CTNNA3: variants seen among roughly 807,000 people sequenced by gnomAD.
CTNNA3 encodes catenin alpha 3.
In CTNNA3, 76 loss-of-function variants were observed where a neutral mutation model predicts 95.7. That is an observed-to-expected ratio of 0.79 (90% confidence interval 0.66 to 0.96). The LOEUF (loss-of-function observed/expected upper bound fraction) is 0.96. Among genes scored for constraint, CTNNA3 ranks in the 40% least tolerant of loss-of-function variants. CTNNA3 has a pLI of 0.00. For missense variants in CTNNA3, 1,191 were observed against 1,089.8 expected, an observed-to-expected ratio of 1.09 and a Z score of -1.31; for synonymous variants, 431 against 374.4, an observed-to-expected ratio of 1.15 and a Z score of -1.74.
At chr10:66,450,252 A>C (rs1564976111) in intron 11 of CTNNA3, among the ~76,000 whole-genome samples, 1 of 152,158 alleles carries the variant, frequency 6.6e-6, no homozygotes. Context: ...GTTATGTTTA[A>C]GTCACATGCT....
chr10:66,430,987 T>A (rs1286571313), intron 11 of CTNNA3, among the ~76,000 whole-genome samples: 2 of 151,350 alleles, frequency 1.3e-5, no homozygotes, highest in African/African-American at 4.9e-5. Flanking sequence ...TGGGAGAAAA[T>A]TTTTGCAAAC....
At chr10:66,627,212 AT>A (rs1022944916) in intron 9 of CTNNA3, among the ~76,000 whole-genome samples, 10 of 152,154 alleles carry the variant, frequency 6.6e-5, no homozygotes, top group African/African-American at 2.4e-4. Context: ...TATAGGGGAT[AT>A]TCTGGCCTTC....
At chr10:67,421,909 A>C (rs2062785269) in intron 5 of CTNNA3, among the ~76,000 whole-genome samples, 1 of 152,202 alleles carries the variant, frequency 6.6e-6, no homozygotes, top group South Asian at 2.1e-4. Flanking sequence ...ATATAGATGT[A>C]TGTATATGTA....
chr10:67,664,356 C>A (rs1445456966), intron 1 of CTNNA3, among the ~76,000 whole-genome samples: 1 of 152,118 alleles, frequency 6.6e-6, no homozygotes, highest in Non-Finnish European at 1.5e-5. Flanking sequence ...AAAAGGGCAG[C>A]ATTTCTTCAC....
chr10:66,037,125 G>A (rs1198444510), intron 15 of CTNNA3, among the ~76,000 whole-genome samples: 1 of 152,008 alleles, frequency 6.6e-6, no homozygotes, highest in East Asian at 1.9e-4. Flanking sequence ...GCCCATCTCG[G>A]CCTCCCAAAG....
chr10:66,128,704 A>G (rs1445036392), intron 13 of CTNNA3, among the ~76,000 whole-genome samples: 1 of 152,202 alleles, frequency 6.6e-6, no homozygotes, highest in Non-Finnish European at 1.5e-5. Flanking sequence ...CTTTCATTAC[A>G]TTATGATGGT....
chr10:67,283,820 C>G (rs1309782436), intron 5 of CTNNA3, among the ~76,000 whole-genome samples: 1 of 152,180 alleles, frequency 6.6e-6, no homozygotes, highest in Non-Finnish European at 1.5e-5. Context: ...TTGAAGGTTG[C>G]TGCGGACCTG....
intron 13 of CTNNA3, among the ~76,000 whole-genome samples, chr10:66,109,587 G>C (rs917237234): frequency 1.3e-5 from 2 of 152,154 alleles, no homozygotes; most frequent in African/African-American, 4.8e-5. Flanking sequence ...GCAGGAGTAA[G>C]GGAAGGCCCA....
chr10:66,438,751 T>G (rs1254804706), intron 11 of CTNNA3, among the ~76,000 whole-genome samples: 1 of 152,140 alleles, frequency 6.6e-6, no homozygotes. Flanking sequence ...TGAAAAAAAC[T>G]CCTGCAGCTA....
At chr10:66,199,495 A>G (rs1174286609) in intron 13 of CTNNA3, among the ~76,000 whole-genome samples, 2 of 151,438 alleles carry the variant, frequency 1.3e-5, no homozygotes, top group Non-Finnish European at 2.9e-5. Flanking sequence ...CTTCAGTGCT[A>G]TGTATGTATG....
chr10:65,923,104 A>C (rs1195661225), intron 17 of CTNNA3, among the ~76,000 whole-genome samples: 1 of 152,190 alleles, frequency 6.6e-6, no homozygotes, highest in Admixed American at 6.5e-5. Context: ...ACAATTGAAG[A>C]TGAGATTTGG....
chr10:66,310,773 G>A lies in CTNNA3; in HGVS notation c.1733-30152C>T, dbSNP rs189138807. Reference sequence around the variant, plus strand: ...GCGAACTCAGCTCACTGCAAGCTCCGCCTCCCAGGTTCATGCCATTCTGCC... The same window carrying A: ...GCGAACTCAGCTCACTGCAAGCTCCACCTCCCAGGTTCATGCCATTCTGCC... On this transcript the variant is annotated intron_variant, in intron 12 of 17. Transcript: ENST00000433211. Among the ~76,000 whole-genome samples the A allele has an allele frequency of 5.4e-5, 8 of 146,870 alleles. No homozygotes were observed. In the South Asian group the frequency reaches 1.3e-3, roughly 24 times the overall value.
intron 7 of CTNNA3, among the ~76,000 whole-genome samples, chr10:66,798,198 A>G (rs527258795): frequency 3.3e-5 from 5 of 151,960 alleles, no homozygotes; most frequent in African/African-American, 1.2e-4. Context: ...TAGCTAACAC[A>G]TATTATTCAG....
intron 5 of CTNNA3, among the ~76,000 whole-genome samples, chr10:67,375,072 C>T (rs530708068): frequency 6.6e-6 from 1 of 152,012 alleles, no homozygotes; most frequent in African/African-American, 2.4e-5. Flanking sequence ...ATTATCCTGC[C>T]CAAATTATTT....
At chr10:67,360,416 G>GAAAAAAAAAAAAAA in intron 5 of CTNNA3, among the ~76,000 whole-genome samples, 1 of 99,302 alleles carries the variant, frequency 1.0e-5, no homozygotes, top group Non-Finnish European at 2.1e-5. Context: ...GAGCAAGCAG[G>GAAAAAAAAAAAAAA]AAAAAAAAAA....
At chr10:67,692,106 G>A (rs1414378631) in intron 1 of CTNNA3, among the ~76,000 whole-genome samples, 8 of 150,568 alleles carry the variant, frequency 5.3e-5, no homozygotes, top group South Asian at 2.1e-4. Context: ...TGCCCCCTCC[G>A]GGAGGGAGGT....
At chr10:66,247,011 G>C (rs561713654) in intron 13 of CTNNA3, among the ~76,000 whole-genome samples, 3 of 144,456 alleles carry the variant, frequency 2.1e-5, no homozygotes, top group Non-Finnish European at 4.5e-5. Flanking sequence ...GACTGTGCCA[G>C]TGCACTCCAG....
intron 13 of CTNNA3, among the ~76,000 whole-genome samples, chr10:66,119,414 C>A (rs898026414): frequency 6.6e-6 from 1 of 152,180 alleles, no homozygotes; most frequent in Non-Finnish European, 1.5e-5. Flanking sequence ...ATTACTCTCT[C>A]TCACTCTAAT....
chr10:66,090,359 T>C (rs2133689930), intron 14 of CTNNA3, among the ~76,000 whole-genome samples: 1 of 152,086 alleles, frequency 6.6e-6, no homozygotes. Context: ...TAAATGTGAA[T>C]CCACTCAACA....
Sources: gnomAD v4.1 joint callset for allele counts (sites outside exome capture counted in the v4.1 genomes callset) on GRCh38, gnomAD v4.1.1 for gene constraint, MANE v1.5 for transcripts, NCBI Gene and HGNC (gene_info 2026-07-23, HGNC 2026-07-21) for gene names.